KLF13: variants seen among roughly 807,000 people sequenced by gnomAD.
The protein encoded by KLF13 is KLF transcription factor 13, also known as Krueppel-like factor 13.
A neutral mutation model predicts 16.7 loss-of-function variants in KLF13; 8 were observed. The ratio of observed to expected loss-of-function variants is 0.48; its 90% CI spans 0.28 to 0.87. KLF13 has a LOEUF of 0.87. Ranked by LOEUF, KLF13 falls within the 40% of genes least tolerant of loss-of-function variation. The pLI is 0.10. For missense variants in KLF13, 447 were observed against 452.2 expected, an observed-to-expected ratio of 0.99 and a Z score of 0.10; for synonymous variants, 245 against 208.4, an observed-to-expected ratio of 1.18 and a Z score of -1.51.
At chr15:31,346,794 C>T (rs75026979) in intron 1 of KLF13, among the ~76,000 whole-genome samples, 2,566 of 152,306 alleles carry the variant, frequency 0.017, 79 homozygotes, top group African/African-American at 0.059. Flanking sequence ...GGGCTCCTGC[C>T]GGCCATAGGT....
At chr15:31,358,802 C>T (rs1258867262) in intron 1 of KLF13, among the ~76,000 whole-genome samples, 2 of 152,220 alleles carry the variant, frequency 1.3e-5, no homozygotes, top group African/African-American at 4.8e-5. Context: ...CTATCACCAG[C>T]CATCAGGGCT....
At chr15:31,417,010 T>C (rs531257674) in intron 1 of KLF13, among the ~76,000 whole-genome samples, 1 of 152,152 alleles carries the variant, frequency 6.6e-6, no homozygotes, top group African/African-American at 2.4e-5. Flanking sequence ...TGAGTAATTA[T>C]CGTGATTAGT....
chr15:31,412,461 A>T (rs556024013), intron 1 of KLF13, among the ~76,000 whole-genome samples: 1 of 152,108 alleles, frequency 6.6e-6, no homozygotes, highest in Non-Finnish European at 1.5e-5. Context: ...GAAAAGTCCA[A>T]AAAAAAACCA....
chr15:31,328,297 C>T (rs981719871), intron 1 of KLF13, among the ~76,000 whole-genome samples: 1 of 151,782 alleles, frequency 6.6e-6, no homozygotes, highest in Non-Finnish European at 1.5e-5. Flanking sequence ...CACGCAGGGA[C>T]AAGGTTTCCT....
chr15:31,420,302 CT>C (rs1422422465), intron 1 of KLF13: 7 of 919,908 alleles, frequency 7.6e-6, no homozygotes, highest in Admixed American at 3.6e-5. Flanking sequence ...ATCAGACAAC[CT>C]TTTCAAATGG....
At chr15:31,350,511 T>G (rs2039200005) in intron 1 of KLF13, among the ~76,000 whole-genome samples, 1 of 152,228 alleles carries the variant, frequency 6.6e-6, no homozygotes, top group Non-Finnish European at 1.5e-5. Flanking sequence ...TCTTAAAATA[T>G]GAAGTGTAGG....
At chr15:31,389,572 C>T (rs1237671630), upstream of KLF13, among the ~76,000 whole-genome samples, 1 of 152,234 alleles carries the variant, frequency 6.6e-6, no homozygotes. Context: ...TTTACATTAG[C>T]TCTTACTCCC....
intron 1 of KLF13, among the ~76,000 whole-genome samples, chr15:31,418,650 A>G (rs947305692): frequency 6.6e-6 from 1 of 152,124 alleles, no homozygotes; most frequent in African/African-American, 2.4e-5. Flanking sequence ...TGCTAATTAC[A>G]GAAACAAACA....
intron 1 of KLF13, among the ~76,000 whole-genome samples, chr15:31,349,470 C>G (rs28690785): frequency 0.11 from 17,060 of 152,260 alleles, 1,244 homozygotes; most frequent in Middle Eastern, 0.18. Context: ...ACCTGGGGAT[C>G]TGGAGGGCAC....
At chr15:31,393,429 C>A (rs1475277018) in intron 1 of KLF13, 1 of 151,858 alleles carries the variant, frequency 6.6e-6, no homozygotes, top group Non-Finnish European at 1.5e-5. Context: ...CCCGTCCCCC[C>A]CCCGTCCCCC....
At chr15:31,365,378 G>A (rs1024778628) in intron 1 of KLF13, among the ~76,000 whole-genome samples, 1 of 152,184 alleles carries the variant, frequency 6.6e-6, no homozygotes, top group Non-Finnish European at 1.5e-5. Context: ...CCCGGTAGGA[G>A]TTGCATTTCT....
chr15:31,328,792 G>A (rs373962370), intron 1 of KLF13, among the ~76,000 whole-genome samples: 2 of 152,270 alleles, frequency 1.3e-5, no homozygotes, highest in Non-Finnish European at 2.9e-5. Flanking sequence ...TTTAATGGAC[G>A]GCAATCCTTC....
chr15:31,408,797 C>G (rs1037631221), downstream of KLF13, among the ~76,000 whole-genome samples: 1 of 151,998 alleles, frequency 6.6e-6, no homozygotes, highest in Non-Finnish European at 1.5e-5. Flanking sequence ...CATACAAGAT[C>G]AGGTGGATAA....
At chr15:31,422,359 A>G (rs570388862) in intron 1 of KLF13, among the ~76,000 whole-genome samples, 5 of 152,226 alleles carry the variant, frequency 3.3e-5, no homozygotes, top group Non-Finnish European at 5.9e-5. Context: ...AATCACGGTG[A>G]AAGGCAAAGG....
upstream of KLF13, among the ~76,000 whole-genome samples, chr15:31,391,191 G>A (rs1168620890): frequency 1.2e-5 from 1 of 82,024 alleles, no homozygotes; most frequent in East Asian, 4.4e-4. Context: ...GGGCCTCTGG[G>A]GGTGCTCTGT....
intron 2 of KLF13, among the ~76,000 whole-genome samples, chr15:31,397,007 AT>A (rs1566835293): frequency 2.0e-5 from 3 of 152,068 alleles, no homozygotes; most frequent in Admixed American, 2.0e-4. Context: ...TGTCTGGGTT[AT>A]AATTTTGCAG....
Position 31,327,476 on chromosome 15 carries a change from G to A in KLF13, c.264G>A (p.Ala88=), listed in dbSNP as rs1397525699. The A allele has an allele frequency of 6.6e-6, 8 of 1,205,862 alleles. No homozygotes were observed. In the Admixed American group the frequency reaches 1.8e-4, roughly 27 times the overall value. 74.7% of individuals were successfully genotyped at this position (1,205,862 alleles called of 1,614,324 possible). ...CGGCGGAGCGCAGGGAGGGCGCCGC[G>A]GCCCGGAAGGCGAGGACCCCCTGCC... is the stretch of plus-strand genomic sequence containing the variant. The part of the protein sequence containing the change: ...PAPAERREGA[A]ARKARTPCRL... Residue 88 remains alanine (A), a synonymous_variant, in exon 1 of 2, where the codon GCG becomes GCA. Coordinates refer to ENST00000307145, the MANE Select transcript of KLF13 (RefSeq NM_015995.4).
intron 1 of KLF13, among the ~76,000 whole-genome samples, chr15:31,335,072 AAC>A (rs1488981035): frequency 2.0e-5 from 3 of 152,220 alleles, no homozygotes; most frequent in African/African-American, 7.2e-5. Context: ...CATGTGTAGA[AAC>A]ACATATGGGT....
intron 1 of KLF13, among the ~76,000 whole-genome samples, chr15:31,334,413 G>A (rs2038891081): frequency 6.6e-6 from 1 of 151,778 alleles, no homozygotes; most frequent in Non-Finnish European, 1.5e-5. Context: ...ACCTGAACCT[G>A]TTTTTCTTTT....
Sources: allele counts gnomAD v4.1 joint callset (sites outside exome capture counted in the v4.1 genomes callset), GRCh38; gene constraint gnomAD v4.1.1; transcripts MANE v1.5; gene names NCBI Gene and HGNC (gene_info 2026-07-23, HGNC 2026-07-21).